FAM234A: variants seen among roughly 807,000 people sequenced by gnomAD.
FAM234A encodes the protein protein FAM234A.
FAM234A carries 42 observed loss-of-function variants against 49.1 expected under a neutral mutation model. The ratio of observed to expected loss-of-function variants is 0.86; its 90% confidence interval spans 0.67 to 1.11. FAM234A has a LOEUF of 1.11. FAM234A is among the 50% of genes least tolerant of loss of function. The probability of loss-of-function intolerance (pLI) is 0.00; values close to 1 mark genes in which losing one functional copy is unlikely to be tolerated. For synonymous variants in FAM234A, 369 were observed against 316.2 expected (o/e 1.17, Z -1.77); for missense variants, 815 against 745.2 (o/e 1.09, Z -1.09).
chr16:264,535 G>C (rs114452146), intron 11 of FAM234A, 79 bp from the exon 12 acceptor site: 2 of 993,696 alleles, frequency 2.0e-6, no homozygotes, highest in Non-Finnish European at 3.1e-6. Context: ...TAGAGCTCCA[G>C]GCACGGTCAC....
rs114884354 is a variant in FAM234A, at chr16:254,316, C to G, written c.-33-65C>G. The G allele has an allele frequency of 5.0e-6, 7 of 1,397,034 alleles. No homozygotes were observed. The Admixed American group carries it at 1.3e-4, about 27-fold the overall frequency. The allele number at this position is 1,397,034 out of a possible 1,614,324, so 86.5% of individuals were successfully genotyped here. A position where few individuals can be genotyped will look rare whatever the true frequency, so the allele number is the denominator to read the frequency against. On this transcript the variant is annotated intron_variant, in intron 2 of 12. Transcript: ENST00000399932. ...CCAAGAAGCCGACGCCAGCAGACCC[C>G]TCTGTGCTGCAGCTTTGTGCCGTGG...
chr16:251,484 T>A (rs2051004328), intron 2 of FAM234A, among the ~76,000 whole-genome samples: 1 of 151,862 alleles, frequency 6.6e-6, no homozygotes, highest in African/African-American at 2.4e-5. Context: ...CTAGTGATCT[T>A]CCTACCCCAG....
chr16:269,825 G>A (rs1253265151), downstream of FAM234A: 4 of 507,122 alleles, frequency 7.9e-6, no homozygotes, highest in Admixed American at 1.1e-4. Context: ...GTGGCCACGT[G>A]TAGAGGAATA....
In FAM234A at chr16:265,702, C is replaced by G. The variant is rs930252613; in HGVS notation, c.*680C>G. The stretch of plus-strand genomic sequence containing the variant: ...GGTGGGGCCTGCTCTGGAGCTGAGC[C>G]CGTGGCCGCTCACAGGTGTCCTTAG... On this transcript the variant is annotated 3_prime_UTR_variant, in exon 13 of 13. Transcript: ENST00000399932. 1.0e-6 allele frequency: 1 copy of G among 985,456 alleles called. No homozygotes were observed. Among genetic ancestry groups the G allele is most frequent in the Non-Finnish European group, 1.2e-6 (1 of 830,008 alleles). 61.0% of individuals were successfully genotyped at this position (985,456 alleles called of 1,614,324 possible).
chr16:259,439 C>G (rs763532333), intron 3 of FAM234A, 44 bp from the exon 4 acceptor site: 1 of 1,142,476 alleles, frequency 8.8e-7, no homozygotes, highest in Non-Finnish European at 1.3e-6. Context: ...TTCCTGGAAA[C>G]CAGGCATGGC....
chr16:238,787 GAAA>G (rs1384872718), intron 1 of FAM234A, among the ~76,000 whole-genome samples: 1 of 76,236 alleles, frequency 1.3e-5, no homozygotes, highest in Non-Finnish European at 2.7e-5. Context: ...AAAAAAAAAA[GAAA>G]AAAAAAATCC....
rs200973993 is a variant in FAM234A, at chr16:259,553, A to G, written c.339A>G (p.Lys113=). Residue 113 remains lysine, a synonymous_variant, in exon 4 of 13, where the codon AAA becomes AAG. Transcript: ENST00000399932. ...DRIQDVLFLY[K]NTNSSNNFSR... is the part of the protein sequence containing the mutation. Reference sequence around the variant, plus strand: ...TCCAAGATGTTCTTTTTCTTTATAAAAACACCAACAGCAGCAACAATTTCA... The same window carrying G: ...TCCAAGATGTTCTTTTTCTTTATAAGAACACCAACAGCAGCAACAATTTCA... The G allele has an allele frequency of 1.3e-4, 208 of 1,613,050 alleles. No homozygotes were observed. In the African/African-American group the frequency reaches 2.5e-3, roughly 19 times the overall value.
intron 2 of FAM234A, among the ~76,000 whole-genome samples, chr16:252,043 C>CAGGCT (rs1163045200): frequency 2.0e-5 from 3 of 150,660 alleles, no homozygotes; most frequent in African/African-American, 7.3e-5. Flanking sequence ...CTCTGTTGCC[C>CAGGCT]AGGCTAGAGT....
At chr16:263,642 C>G in intron 9 of FAM234A, 58 bp from the exon 10 acceptor site, 1 of 1,437,872 alleles carries the variant, frequency 7.0e-7, no homozygotes, top group East Asian at 2.3e-5. Flanking sequence ...TGGGTGCTTC[C>G]TTCATCTCAG....
Position 266,091 on chromosome 16 carries a change from GA to G in FAM234A, c.*1074del. On this transcript the variant is annotated 3_prime_UTR_variant, in exon 13 of 13. Transcript: ENST00000399932. The stretch of plus-strand genomic sequence containing the variant: ...CAGAATAAACATTTTTGCACTGCCT[GA>G]AAAACCCCGGTGGTCAGGCGTGAGC... 1 of 985,844 alleles carries G rather than the reference GA, an allele frequency of 1.0e-6. No homozygotes were observed. Among genetic ancestry groups the G allele is most frequent in the Non-Finnish European group, 1.2e-6 (1 of 829,918 alleles). The allele number at this position is 985,844 out of a possible 1,614,324, so 61.1% of individuals were successfully genotyped here.
At chr16:252,788 G>A (rs1248324269) in intron 2 of FAM234A, among the ~76,000 whole-genome samples, 1 of 152,228 alleles carries the variant, frequency 6.6e-6, no homozygotes, top group African/African-American at 2.4e-5. Context: ...AAAGCCAGCA[G>A]TCCCTTATCT....
intron 6 of FAM234A, 137 bp downstream of exon 6, chr16:261,651 G>T: frequency 3.8e-6 from 4 of 1,064,072 alleles, no homozygotes; most frequent in Non-Finnish European, 5.3e-6. Context: ...AGAGCCCCAC[G>T]TTCCCAACTC....
At position 261,530 on chromosome 16, in the gene FAM234A, G is replaced by T. The variant is rs771371860; in HGVS notation, c.708+16G>T. 3 of 1,577,570 alleles carry T rather than the reference G, an allele frequency of 1.9e-6. No homozygotes were observed. Among genetic ancestry groups the T allele is most frequent in the Middle Eastern group, 1.7e-4 (1 of 5,914 alleles). ...GCGGGAGGAGGTACATCCCAGCCTGGCTCTGCTCCCAAGTCACGAGGCCAC... is the reference window on the plus strand; with the variant it reads ...GCGGGAGGAGGTACATCCCAGCCTGTCTCTGCTCCCAAGTCACGAGGCCAC... On this transcript the variant is annotated intron_variant, in intron 6 of 12. Coordinates refer to ENST00000399932, the MANE Select transcript of FAM234A (RefSeq NM_032039.4).
Position 260,091 on chromosome 16 carries a change from A to C in FAM234A, c.508A>C (p.Ser170Arg), listed in dbSNP as rs745337962. ...GTGTGCTGTGCCCCAGCCAAGAGGCAGTGAGGCACCTTCTGCCTGCATCCT... is the reference window on the plus strand; with the variant it reads ...GTGTGCTGTGCCCCAGCCAAGAGGCCGTGAGGCACCTTCTGCCTGCATCCT... ...VECAVPQPRG[S>R]EAPSACILVG... The change falls in exon 5 of 13, where the codon AGT becomes CGT. Residue 170 changes from serine to arginine, a missense_variant. Coordinates refer to ENST00000399932, the MANE Select transcript of FAM234A (RefSeq NM_032039.4). The C allele has an allele frequency of 1.2e-6, 2 of 1,613,802 alleles. No homozygotes were observed. Among genetic ancestry groups the C allele is most frequent in the Non-Finnish European group, 1.7e-6 (2 of 1,180,028 alleles).
At chr16:263,921 G>C in intron 10 of FAM234A, 95 bp from the exon 11 acceptor site, 1 of 1,457,980 alleles carries the variant, frequency 6.9e-7, no homozygotes, top group Non-Finnish European at 9.5e-7. Context: ...CTGCCTCCAG[G>C]GCTGGCATGG....
At position 254,583 on chromosome 16, in the gene FAM234A, T is replaced by A; in HGVS notation, c.170T>A (p.Phe57Tyr). Reference protein sequence around the residue: ...CRAAAFFLSLFLCLFVVFVVS... With the variant: ...CRAAAFFLSLYLCLFVVFVVS... The stretch of plus-strand genomic sequence containing the variant: ...GCGGCGGCGTTTTTTCTTTCATTGT[T>A]TCTCTGCCTTTTTGTGGTGTTCGTC... Residue 57 changes from phenylalanine (F) to tyrosine (Y), a missense_variant, in exon 3 of 13, where the codon TTT (phenylalanine) becomes TAT (tyrosine). Coordinates refer to ENST00000399932, the MANE Select transcript of FAM234A (RefSeq NM_032039.4). The A allele has an allele frequency of 6.2e-7, 1 of 1,614,164 alleles. No homozygotes were observed. The highest frequency in any genetic ancestry group is 8.5e-7 in the Non-Finnish European group (1 of 1,180,026).
At chr16:254,749 C>T in intron 3 of FAM234A, 68 bp downstream of exon 3, 2 of 1,504,216 alleles carry the variant, frequency 1.3e-6, no homozygotes, top group African/African-American at 1.4e-5. Context: ...GCGGAGGGGG[C>T]AGAACTGTGT....
At chr16:258,426 C>A (rs1323754182) in intron 3 of FAM234A, among the ~76,000 whole-genome samples, 1 of 152,174 alleles carries the variant, frequency 6.6e-6, no homozygotes, top group Non-Finnish European at 1.5e-5. Context: ...ATCCATTCAA[C>A]CCTGAGTGGA....
chr16:243,900 G>C (rs1398591082), intron 1 of FAM234A, among the ~76,000 whole-genome samples: 2 of 152,048 alleles, frequency 1.3e-5, no homozygotes, highest in African/African-American at 4.8e-5. Flanking sequence ...CATTTGCTCA[G>C]GTAAGTATTT....
Sources: allele counts gnomAD v4.1 joint callset (sites outside exome capture counted in the v4.1 genomes callset), GRCh38; gene constraint gnomAD v4.1.1; transcripts MANE v1.5; gene names NCBI Gene and HGNC (gene_info 2026-07-23, HGNC 2026-07-21).